CLVS2: variants seen among roughly 807,000 people sequenced by gnomAD.
CLVS2 encodes the protein clavesin-2.
A neutral mutation model predicts 29.0 loss-of-function variants in CLVS2; 19 were observed. The observed-to-expected ratio is 0.66, with a 90% CI of 0.46 to 0.96. The LOEUF (loss-of-function observed/expected upper bound fraction) is 0.96. CLVS2 is among the 40% of genes least tolerant of loss of function. The probability of loss-of-function intolerance (pLI) is 0.00; values close to 1 mark genes in which losing one functional copy is unlikely to be tolerated. For synonymous variants in CLVS2, 161 were observed against 151.3 expected (o/e 1.06, Z -0.47); for missense variants, 294 against 404.1 (o/e 0.73, Z 2.34).
Position 123,066,704 on chromosome 6 carries a change from T to C in CLVS2, c.*2943T>C, listed in dbSNP as rs1279357344. On this transcript the variant is annotated 3_prime_UTR_variant, in exon 6 of 6. Coordinates refer to ENST00000275162, the MANE Select transcript of CLVS2 (RefSeq NM_001010852.4). ...GAGGGAAGAGATTATCATGAAAATA[T>C]ACTCTAAGAAATATGAAGAAGTGCC... The C allele has an allele frequency of 6.6e-6, 1 of 151,790 alleles. No individual in the cohort carries two copies. Among genetic ancestry groups the C allele is most frequent in the Non-Finnish European group, 1.5e-5 (1 of 67,776 alleles). 9.4% of individuals were successfully genotyped at this position (151,790 alleles called of 1,614,324 possible). A position where few individuals can be genotyped will look rare whatever the true frequency, so the allele number is the denominator to read the frequency against.
intron 3 of CLVS2, among the ~76,000 whole-genome samples, chr6:123,023,642 A>T (rs191253795): frequency 6.6e-6 from 1 of 152,240 alleles, no homozygotes; most frequent in Admixed American, 6.6e-5. Context: ...CATCTAGGAA[A>T]ATCACATTTT....
rs1359020912 is a variant in CLVS2, at chr6:123,064,894, A to G, written c.*1133A>G. 6.6e-6 allele frequency: 1 copy of G among 151,870 alleles called. No homozygotes were observed. The allele number at this position is 151,870 out of a possible 1,614,324, so 9.4% of individuals were successfully genotyped here. On this transcript the variant is annotated 3_prime_UTR_variant, in exon 6 of 6. Transcript: ENST00000275162. Reference sequence around the variant, plus strand: ...GAATTCCAAGTTAATTTATAATGCAATCTTACATATGTGCCATCTTATTTG... The same window carrying G: ...GAATTCCAAGTTAATTTATAATGCAGTCTTACATATGTGCCATCTTATTTG...
chr6:123,053,991 T>C (rs1243729979), intron 4 of CLVS2, among the ~76,000 whole-genome samples: 1 of 152,154 alleles, frequency 6.6e-6, no homozygotes, highest in Non-Finnish European at 1.5e-5. Context: ...CTGGTTGTCC[T>C]ATTTTCTTAG....
intron 3 of CLVS2, among the ~76,000 whole-genome samples, chr6:123,027,850 G>T (rs558949952): frequency 9.2e-5 from 14 of 152,094 alleles, no homozygotes; most frequent in Non-Finnish European, 1.8e-4. Context: ...CTTGTGGAAA[G>T]GATTTGCTTG....
At chr6:123,058,227 T>C (rs1772723735) in intron 5 of CLVS2, among the ~76,000 whole-genome samples, 1 of 152,160 alleles carries the variant, frequency 6.6e-6, no homozygotes. Flanking sequence ...AGTCTATATA[T>C]AGTGGAGCAG....
chr6:123,049,804 T>TAG (rs1554203165), intron 4 of CLVS2, among the ~76,000 whole-genome samples: 1 of 118,934 alleles, frequency 8.4e-6, no homozygotes, highest in Admixed American at 7.9e-5. Context: ...TGTTGTGGGA[T>TAG]GGGGGGCGGG....
At position 123,007,250 on chromosome 6, in the gene CLVS2, G is replaced by A. The variant is rs142567073; in HGVS notation, c.390-3735G>A. The stretch of plus-strand genomic sequence containing the variant: ...TATTGTTTGCTATGTGCTACCCATT[G>A]GGCTAAGTAGTTTACATTCTGTCCT... On this transcript the variant is annotated intron_variant, in intron 2 of 5. Transcript: ENST00000275162. 3.2e-4 allele frequency among the ~76,000 whole-genome samples: 49 copies of A among 152,198 alleles called. No homozygotes were observed. The East Asian group carries it at 8.9e-3, about 28-fold the overall frequency.
chr6:123,021,184 T>C (rs986064514), intron 3 of CLVS2, among the ~76,000 whole-genome samples: 3 of 152,078 alleles, frequency 2.0e-5, no homozygotes, highest in Non-Finnish European at 4.4e-5. Context: ...CTGAAATTAT[T>C]ACCTTATAGT....
chr6:123,043,068 C>T (rs1775257474), intron 3 of CLVS2, among the ~76,000 whole-genome samples: 1 of 152,112 alleles, frequency 6.6e-6, no homozygotes. Context: ...ATCACTTCTA[C>T]TCTCTAAACC....
intron 3 of CLVS2, among the ~76,000 whole-genome samples, chr6:123,019,654 C>T (rs1305695740): frequency 6.6e-6 from 1 of 151,996 alleles, no homozygotes; most frequent in Admixed American, 6.6e-5. Context: ...GTAAATTATT[C>T]CTGTAAATTC....
intron 3 of CLVS2, among the ~76,000 whole-genome samples, chr6:123,013,883 T>A (rs1442252398): frequency 6.6e-6 from 1 of 151,930 alleles, no homozygotes; most frequent in African/African-American, 2.4e-5. Flanking sequence ...ATTGTTCAAT[T>A]CCCACCTATG....
intron 5 of CLVS2, among the ~76,000 whole-genome samples, chr6:123,059,425 G>A (rs1306966896): frequency 2.0e-5 from 3 of 152,152 alleles, no homozygotes; most frequent in Non-Finnish European, 2.9e-5. Context: ...AATCCCCAGT[G>A]CCTGGAGAAG....
chr6:123,017,367 T>A (rs1218140651), intron 3 of CLVS2, among the ~76,000 whole-genome samples: 2 of 152,072 alleles, frequency 1.3e-5, no homozygotes, highest in Non-Finnish European at 2.9e-5. Flanking sequence ...TGCCTATCTT[T>A]TTGAAAGTAA....
At chr6:123,010,843 TA>T in intron 2 of CLVS2, 141 bp from the exon 3 acceptor site, 1 of 486,766 alleles carries the variant, frequency 2.1e-6, no homozygotes, top group Non-Finnish European at 3.5e-6. Flanking sequence ...AACCTCTTCC[TA>T]AAATAGGTTT....
At chr6:123,052,875 TAC>T (rs1772633616) in intron 4 of CLVS2, among the ~76,000 whole-genome samples, 1 of 149,686 alleles carries the variant, frequency 6.7e-6, no homozygotes, top group African/African-American at 2.5e-5. Flanking sequence ...AGAGTGGAAA[TAC>T]AGTTATGGAG....
chr6:123,013,074 G>C (rs1276741638), intron 3 of CLVS2, among the ~76,000 whole-genome samples: 1 of 151,970 alleles, frequency 6.6e-6, no homozygotes, highest in East Asian at 1.9e-4. Context: ...TAAGAATATA[G>C]GATTGCTAGA....
At position 123,069,224 on chromosome 6, in the gene CLVS2, T is replaced by C. The variant is rs1772904638; in HGVS notation, c.*5463T>C. The stretch of plus-strand genomic sequence containing the variant: ...AGGAATGATCAGTAAATAAAATAAC[T>C]AGGGTTTTCACATTTGCAATAGAAT... On this transcript the variant is annotated 3_prime_UTR_variant, in exon 6 of 6. Transcript: ENST00000275162. 3 of 151,724 alleles carry C rather than the reference T, an allele frequency of 2.0e-5. No individual in the cohort carries two copies. Among genetic ancestry groups the C allele is most frequent in the Admixed American group, 2.0e-4 (3 of 15,176 alleles). 9.4% of individuals were successfully genotyped at this position (151,724 alleles called of 1,614,324 possible). A position where few individuals can be genotyped will look rare whatever the true frequency, so the allele number is the denominator to read the frequency against.
Position 123,064,074 on chromosome 6 carries a change from T to G in CLVS2, c.*313T>G, listed in dbSNP as rs1014912624. The G allele has an allele frequency of 4.7e-6, 1 of 213,890 alleles. No individual in the cohort carries two copies. The highest frequency in any genetic ancestry group is 1.0e-4 in the South Asian group (1 of 9,872). The allele number at this position is 213,890 out of a possible 1,614,324, so 13.2% of individuals were successfully genotyped here. On this transcript the variant is annotated 3_prime_UTR_variant, in exon 6 of 6. Transcript: ENST00000275162. ...GGCTCAAAAGTCCATGCCAGTGTTATGAACTATAACAAAAAGCAGAAAAGA... is the reference window on the plus strand; with the variant it reads ...GGCTCAAAAGTCCATGCCAGTGTTAGGAACTATAACAAAAAGCAGAAAAGA...
chr6:123,014,634 T>C (rs941076877), intron 3 of CLVS2, among the ~76,000 whole-genome samples: 1 of 152,106 alleles, frequency 6.6e-6, no homozygotes, highest in Admixed American at 6.6e-5. Context: ...TGGCAGGTAA[T>C]ATCAATGATT....
Sources: gnomAD v4.1 joint callset for allele counts (sites outside exome capture counted in the v4.1 genomes callset) on GRCh38, gnomAD v4.1.1 for gene constraint, MANE v1.5 for transcripts, NCBI Gene and HGNC (gene_info 2026-07-23, HGNC 2026-07-21) for gene names.